The following PRSS41 variants were observed in gnomAD, a reference collection of about 807,000 sequenced individuals.
PRSS41 encodes protease, serine 41.
PRSS41 carries 37 observed loss-of-function variants against 28.8 expected under a neutral mutation model. The observed-to-expected ratio is 1.29, with a 90% CI of 0.99 to 1.69. PRSS41 has a LOEUF of 1.69. PRSS41 is among the 40% of genes most tolerant of loss of function. The pLI, the probability that PRSS41 is intolerant of heterozygous loss-of-function variation, is 0.00. For synonymous variants in PRSS41, 195 were observed against 163.1 expected, an observed-to-expected ratio of 1.20 and a Z score of -1.49; for missense variants, 431 against 400.7, an observed-to-expected ratio of 1.08 and a Z score of -0.65.
At chr16:2,801,726 T>G (rs1461338168) in intron 4 of PRSS41, among the ~76,000 whole-genome samples, 4 of 152,086 alleles carry the variant, frequency 2.6e-5, no homozygotes, top group Non-Finnish European at 5.9e-5. Flanking sequence ...ATGAAAAGTC[T>G]CCCATGTCTA....
intron 5 of PRSS41, among the ~76,000 whole-genome samples, 167 bp downstream of exon 5, chr16:2,804,713 A>G (rs986411074): frequency 8.5e-5 from 13 of 152,362 alleles, no homozygotes; most frequent in African/African-American, 3.1e-4. Flanking sequence ...CATTTTTCAT[A>G]AATTCTGCCT....
At chr16:2,801,979 C>T (rs1440855002) in intron 4 of PRSS41, among the ~76,000 whole-genome samples, 1 of 150,536 alleles carries the variant, frequency 6.6e-6, no homozygotes, top group East Asian at 2.0e-4. Flanking sequence ...GCTGACCCCC[C>T]CACCTCCCTC....
intron 4 of PRSS41, among the ~76,000 whole-genome samples, chr16:2,802,202 C>G (rs1160999386): frequency 6.7e-6 from 1 of 149,930 alleles, no homozygotes; most frequent in Non-Finnish European, 1.5e-5. Flanking sequence ...ACCTCCCAGA[C>G]AGGGTCGCGG....
chr16:2,805,176 G>C, exon 6 of PRSS41: 2 of 1,466,482 alleles, frequency 1.4e-6, no homozygotes, highest in South Asian at 2.5e-5. Flanking sequence ...TGAGGCTGCA[G>C]TGGGGACCAC....
chr16:2,801,087 C>A (rs1183180224), intron 4 of PRSS41, among the ~76,000 whole-genome samples: 2 of 152,206 alleles, frequency 1.3e-5, no homozygotes, highest in Admixed American at 1.3e-4. Context: ...GAACTACCCA[C>A]CTCGGCCTCC....
exon 6 of PRSS41, chr16:2,805,063 G>A (rs1037254448): frequency 1.3e-6 from 2 of 1,552,668 alleles, no homozygotes; most frequent in Non-Finnish European, 1.7e-6. Context: ...GGAGGGTGAT[G>A]TCCCACAGTA....
chr16:2,799,736 C>T (rs1347966454), intron 4 of PRSS41, among the ~76,000 whole-genome samples, 167 bp downstream of exon 4: 1 of 152,266 alleles, frequency 6.6e-6, no homozygotes, highest in Non-Finnish European at 1.5e-5. Flanking sequence ...GCTCTCACTG[C>T]CACCTGTCAG....
exon 6 of PRSS41, chr16:2,805,015 T>A: frequency 6.4e-7 from 1 of 1,568,802 alleles, no homozygotes; most frequent in Non-Finnish European, 8.6e-7. Context: ...ATCGGCCTGG[T>A]GTCTACACCA....
In PRSS41 at chr16:2,798,666, G is replaced by A; in HGVS notation, c.91+4G>A. On this transcript the variant is annotated splice_donor_region_variant and intron_variant, in intron 2 of 5. Coordinates refer to ENST00000399677, the Ensembl canonical transcript of PRSS41. ...CAGGAGGAGGAGCTGTTGTCAGGTA[G>A]GGCGCCCAGGACGCGCGATGCCAGC... The A allele has an allele frequency of 6.8e-7, 1 of 1,470,104 alleles. No individual in the cohort carries two copies. 91.1% of individuals were successfully genotyped at this position (1,470,104 alleles called of 1,614,324 possible).
At chr16:2,800,594 A>G (rs150764664) in intron 4 of PRSS41, among the ~76,000 whole-genome samples, 101 of 151,672 alleles carry the variant, frequency 6.7e-4, no homozygotes, top group African/African-American at 2.4e-3. Flanking sequence ...TGCCCTAGGC[A>G]CTTACCATTA....
At chr16:2,804,997 T>A in exon 6 of PRSS41, 1 of 1,579,466 alleles carries the variant, frequency 6.3e-7, no homozygotes, top group South Asian at 1.2e-5. Flanking sequence ...TGGACTGCGG[T>A]CAACCCAATC....
chr16:2,804,939 G>A (rs764218060), exon 6 of PRSS41: 1 of 1,588,138 alleles, frequency 6.3e-7, no homozygotes, highest in East Asian at 2.3e-5. Flanking sequence ...CCCTTGGTCT[G>A]TGACAAGGAT....
chr16:2,798,870 T>TG (rs1383000142), intron 2 of PRSS41, 89 bp from the exon 3 acceptor site: 1 of 1,384,356 alleles, frequency 7.2e-7, no homozygotes, highest in South Asian at 1.5e-5. Context: ...AGCCCCCCGC[T>TG]GCGCGCACCC....
chr16:2,799,391 C>T (rs1170017770), exon 4 of PRSS41: 2 of 1,552,080 alleles, frequency 1.3e-6, no homozygotes, highest in Admixed American at 3.9e-5. Flanking sequence ...TGCAGGACAT[C>T]ATTGTGAACC....
rs113513882 is a variant in PRSS41 at position 2,803,033 on chromosome 16, A to C, written c.542-1356A>C. ...ACTTTCAGCCTGTGTGTTTCACTGG[A>C]TCTAAAGTGACTCTCTTATAAGGAG... On this transcript the variant is annotated intron_variant, in intron 4 of 5. Coordinates refer to ENST00000399677, the Ensembl canonical transcript of PRSS41. 1.6e-3 allele frequency among the ~76,000 whole-genome samples: 244 copies of C among 152,254 alleles called. 1 individual carries two copies. The highest frequency in any genetic ancestry group is 4.9e-3 in the African/African-American group (205 of 41,560).
At chr16:2,799,103 C>G (rs1179053870) in exon 3 of PRSS41, 1 of 1,526,278 alleles carries the variant, frequency 6.6e-7, no homozygotes, top group Non-Finnish European at 8.8e-7. Flanking sequence ...TGGGTGCTCT[C>G]GGCTGCGCAC....
chr16:2,798,494 C>G (rs1170202465), exon 1 of PRSS41: 1 of 1,517,958 alleles, frequency 6.6e-7, no homozygotes, highest in Non-Finnish European at 8.8e-7. Flanking sequence ...CATGGGCGCG[C>G]GCGGGGCGCT....
intron 4 of PRSS41, among the ~76,000 whole-genome samples, chr16:2,802,280 G>A (rs1398793420): frequency 6.7e-6 from 1 of 149,208 alleles, no homozygotes; most frequent in East Asian, 2.0e-4. Context: ...CATCTCAGAC[G>A]ATGGGCGGCC....
intron 4 of PRSS41, among the ~76,000 whole-genome samples, chr16:2,800,905 T>C (rs1341100226): frequency 6.6e-6 from 1 of 152,234 alleles, no homozygotes; most frequent in Non-Finnish European, 1.5e-5. Context: ...CTTTATATCC[T>C]TTTTCTATGA....
Sources: gnomAD v4.1 joint callset for allele counts (sites outside exome capture counted in the v4.1 genomes callset) on GRCh38, gnomAD v4.1.1 for gene constraint, MANE v1.5 for transcripts, NCBI Gene and HGNC (gene_info 2026-07-23, HGNC 2026-07-21) for gene names.